The following LRRC37A2 variants were observed in gnomAD, a reference collection of about 807,000 sequenced individuals.
LRRC37A2 encodes the protein leucine-rich repeat-containing protein 37A2.
In LRRC37A2, 9 loss-of-function variants were observed where a neutral mutation model predicts 68.8. That is an observed-to-expected ratio of 0.13 (90% CI 0.08 to 0.23). LRRC37A2 has a LOEUF of 0.23. LRRC37A2 is among the 10% of genes least tolerant of loss of function. The probability of loss-of-function intolerance (pLI) is 1.00; values close to 1 mark genes in which losing one functional copy is unlikely to be tolerated. For missense variants in LRRC37A2, 168 were observed against 950.4 expected, an observed-to-expected ratio of 0.18 and a Z score of 10.82; for synonymous variants, 63 against 367.6, an observed-to-expected ratio of 0.17 and a Z score of 9.48.
chr17:46,847,698 C>T, the LRRC37A2 span, among the ~76,000 whole-genome samples: 1 of 152,314 alleles, frequency 6.6e-6, no homozygotes, highest in South Asian at 2.1e-4. Context: ...ATCTGTTCCA[C>T]TTCCTGTTGG....
the LRRC37A2 span, chr17:46,726,578 C>G: frequency 1.9e-6 from 3 of 1,613,950 alleles, no homozygotes; most frequent in Non-Finnish European, 2.5e-6. Context: ...AATCCCAGCT[C>G]AGTTGTGTGG....
the LRRC37A2 span, among the ~76,000 whole-genome samples, chr17:46,952,487 C>A: frequency 6.6e-6 from 1 of 152,214 alleles, no homozygotes; most frequent in South Asian, 2.1e-4. Flanking sequence ...ATATTTGTGC[C>A]TCTAGACTTT....
At position 46,541,311 on chromosome 17, in the gene LRRC37A2, G is replaced by T. The variant is rs1028452968; in HGVS notation, c.3053+430G>T. ...CTGTCGCCCAGGCTGCAGTGCAGCGGCATGACCTAGGCTCACTGCAACCTC... is the reference window on the plus strand; with the variant it reads ...CTGTCGCCCAGGCTGCAGTGCAGCGTCATGACCTAGGCTCACTGCAACCTC... On this transcript the variant is annotated intron_variant, in intron 8 of 14. Transcript: ENST00000576629. Among the ~76,000 whole-genome samples the T allele has an allele frequency of 4.0e-5, 6 of 150,020 alleles. 1 individual carries two copies. The highest frequency in any genetic ancestry group is 1.5e-4 in the African/African-American group (6 of 39,586).
chr17:46,784,981 G>A, the LRRC37A2 span, among the ~76,000 whole-genome samples: 28,841 of 151,942 alleles, frequency 0.19, 3,517 homozygotes, highest in East Asian at 0.5. Context: ...GTTTCACTGT[G>A]TTAGCCAGGA....
chr17:46,516,279 G>T (rs904779795), intron 2 of LRRC37A2, among the ~76,000 whole-genome samples: 4 of 121,702 alleles, frequency 3.3e-5, no homozygotes, highest in African/African-American at 1.1e-4. Flanking sequence ...CTCCAGCCTG[G>T]GCGACAGAGC....
the LRRC37A2 span, among the ~76,000 whole-genome samples, chr17:46,780,519 T>C: frequency 6.6e-6 from 1 of 152,208 alleles, no homozygotes; most frequent in Non-Finnish European, 1.5e-5. Flanking sequence ...CCAGGTGCGG[T>C]GGCTCACGCT....
chr17:46,813,184 A>G, the LRRC37A2 span, among the ~76,000 whole-genome samples: 3 of 152,070 alleles, frequency 2.0e-5, no homozygotes, highest in African/African-American at 7.2e-5. Flanking sequence ...TGTGTGCAGT[A>G]GAGTGTCATG....
the LRRC37A2 span, among the ~76,000 whole-genome samples, chr17:46,956,624 C>G: frequency 6.6e-6 from 1 of 152,266 alleles, no homozygotes; most frequent in Middle Eastern, 3.4e-3. Flanking sequence ...TCTTATTTCT[C>G]TTGTCCCTTG....
chr17:46,921,296 T>C, the LRRC37A2 span: 1 of 152,332 alleles, frequency 6.6e-6, no homozygotes, highest in African/African-American at 2.4e-5. Flanking sequence ...AAGCTGAAAC[T>C]GGATCCCTTC....
the LRRC37A2 span, chr17:46,916,929 C>A: frequency 6.6e-6 from 1 of 152,130 alleles, no homozygotes; most frequent in African/African-American, 2.4e-5. Context: ...TATCAGGAGT[C>A]CACTCCTGTA....
the LRRC37A2 span, among the ~76,000 whole-genome samples, chr17:46,862,024 G>A: frequency 1.3e-5 from 2 of 152,148 alleles, no homozygotes; most frequent in Non-Finnish European, 2.9e-5. Context: ...ATAGCTGGGC[G>A]TGGTGACAGC....
chr17:46,707,002 C>T, the LRRC37A2 span, among the ~76,000 whole-genome samples: 1 of 148,730 alleles, frequency 6.7e-6, no homozygotes, highest in Admixed American at 6.7e-5. Flanking sequence ...AGGTGCTTGC[C>T]ACCATGCTTG....
chr17:46,886,960 G>C, the LRRC37A2 span, among the ~76,000 whole-genome samples: 280 of 152,272 alleles, frequency 1.8e-3, no homozygotes, highest in African/African-American at 6.5e-3. Context: ...GGGATTACAG[G>C]CGTGCACCAC....
chr17:46,897,288 C>T, the LRRC37A2 span, among the ~76,000 whole-genome samples: 1 of 152,176 alleles, frequency 6.6e-6, no homozygotes, highest in Non-Finnish European at 1.5e-5. Flanking sequence ...ATCACCAGCA[C>T]CCAGATTTCC....
chr17:46,823,904 A>G, the LRRC37A2 span, among the ~76,000 whole-genome samples: 1 of 152,202 alleles, frequency 6.6e-6, no homozygotes, highest in Non-Finnish European at 1.5e-5. Context: ...TCAGCGTTAA[A>G]TGAGAATGGT....
At chr17:46,935,897 T>G in the LRRC37A2 span, 10 of 985,846 alleles carry the variant, frequency 1.0e-5, no homozygotes, top group Non-Finnish European at 1.1e-5. Context: ...CTGTCTGTTA[T>G]CAGGGTGTGG....
the LRRC37A2 span, chr17:46,936,303 G>C: frequency 1.0e-6 from 1 of 985,196 alleles, no homozygotes; most frequent in Non-Finnish European, 1.2e-6. Flanking sequence ...ATGTCACACT[G>C]ATGAAGAGCC....
chr17:46,728,033 T>A, the LRRC37A2 span, among the ~76,000 whole-genome samples: 1 of 152,126 alleles, frequency 6.6e-6, no homozygotes, highest in Admixed American at 6.5e-5. Flanking sequence ...CCCACTGTTC[T>A]CATCAGGTGG....
chr17:46,998,147 A>C, the LRRC37A2 span, among the ~76,000 whole-genome samples: 2 of 152,212 alleles, frequency 1.3e-5, no homozygotes, highest in African/African-American at 4.8e-5. Context: ...TTGAACACTT[A>C]CTGAATATAT....
Sources: allele counts gnomAD v4.1 joint callset (sites outside exome capture counted in the v4.1 genomes callset), GRCh38; gene constraint gnomAD v4.1.1; transcripts MANE v1.5; gene names NCBI Gene and HGNC (gene_info 2026-07-23, HGNC 2026-07-21).